CKMT2: variants seen among roughly 807,000 people sequenced by gnomAD.
CKMT2 encodes the protein creatine kinase, mitochondrial 2.
In CKMT2, 43 loss-of-function variants were observed where a neutral mutation model predicts 48.9. That is an observed-to-expected ratio of 0.88 (90% CI 0.69 to 1.13). The LOEUF is 1.13. Ranked by LOEUF, CKMT2 falls within the 50% of genes most tolerant of loss-of-function variation. The pLI, the probability that CKMT2 is intolerant of heterozygous loss-of-function variation, is 0.00. For missense variants in CKMT2, 472 were observed against 555.4 expected, an observed-to-expected ratio of 0.85 and a Z score of 1.51; for synonymous variants, 206 against 213.0, an observed-to-expected ratio of 0.97 and a Z score of 0.29.
At chr5:81,254,320 G>C in intron 3 of CKMT2, 76 bp from the exon 4 acceptor site, 2 of 1,271,026 alleles carry the variant, frequency 1.6e-6, no homozygotes, top group Non-Finnish European at 1.1e-6. Context: ...TAAGATACAA[G>C]GGGCAAGTGA....
intron 8 of CKMT2, 85 bp from the exon 9 acceptor site, chr5:81,263,406 T>C: frequency 2.5e-6 from 2 of 811,540 alleles, no homozygotes; most frequent in Non-Finnish European, 3.5e-6. Flanking sequence ...TATCTCTCAC[T>C]ATATGTCTTT....
chr5:81,261,000 T>A (rs1156437959), intron 8 of CKMT2, among the ~76,000 whole-genome samples: 2 of 152,090 alleles, frequency 1.3e-5, no homozygotes, highest in Admixed American at 1.3e-4. Flanking sequence ...CAGCAGCACA[T>A]CAAAAAGCTT....
Position 81,252,766 on chromosome 5 carries a change from A to C in CKMT2, c.224A>C (p.Lys75Thr). The change falls in exon 3 of 10, where the codon AAG becomes ACG. Residue 75 changes from lysine to threonine, a missense_variant. By Grantham distance (78) the Lys-to-Thr change is moderately conservative. Transcript: ENST00000254035. ...TGCCTCACCCCCGCCATTTATGCCA[A>C]GCTTCGCAACAAGGTGACACCCAAC... ...AECLTPAIYA[K>T]LRNKVTPNGY... 1 of 1,614,218 alleles carries C rather than the reference A, an allele frequency of 6.2e-7. No homozygotes were observed. Among genetic ancestry groups the C allele is most frequent in the Non-Finnish European group, 8.5e-7 (1 of 1,180,038 alleles).
chr5:81,249,625 CTTAT>C (rs1278633371), intron 1 of CKMT2, among the ~76,000 whole-genome samples: 1 of 148,700 alleles, frequency 6.7e-6, no homozygotes, highest in East Asian at 1.9e-4. Flanking sequence ...TATATAAATA[CTTAT>C]TTAGATTTAT....
intron 3 of CKMT2, 97 bp from the exon 4 acceptor site, chr5:81,254,299 A>G (rs1756921470): frequency 1.0e-6 from 1 of 973,656 alleles, no homozygotes; most frequent in Non-Finnish European, 1.6e-6. Context: ...GAGGGCATCA[A>G]CTTTGGCTTT....
intron 1 of CKMT2, chr5:81,239,503 T>C (rs952891399): frequency 2.7e-5 from 4 of 150,700 alleles, no homozygotes; most frequent in African/African-American, 4.9e-5. Context: ...GAGGGAGGAG[T>C]GGGGGCACGT....
At chr5:81,247,022 G>A (rs1756634762) in intron 1 of CKMT2, 1 of 152,254 alleles carries the variant, frequency 6.6e-6, no homozygotes. Flanking sequence ...TACAAGCTGT[G>A]AGATGCTCCT....
chr5:81,252,810 T>A lies in CKMT2; in HGVS notation c.268T>A (p.Cys90Ser). ...ACCCAACGGCTACACGCTGGACCAG[T>A]GCATCCAGACTGGAGTGGACAACCC... ...VTPNGYTLDQ[C>S]IQTGVDNPGH... is the part of the protein sequence containing the mutation. Residue 90 changes from cysteine (C) to serine (S), a missense_variant, in exon 3 of 10, where the codon TGC becomes AGC. Cys to Ser is a moderately radical substitution (Grantham distance 112, BLOSUM62 -1). Coordinates refer to ENST00000254035, the MANE Select transcript of CKMT2 (RefSeq NM_001099735.2). 1 of 1,614,234 alleles carries A rather than the reference T, an allele frequency of 6.2e-7. No homozygotes were observed. The highest frequency in any genetic ancestry group is 2.2e-5 in the East Asian group (1 of 44,892).
In CKMT2 at chr5:81,263,529, C is replaced by G; in HGVS notation, c.1053C>G (p.Leu351=). 6.2e-7 allele frequency: 1 copy of G among 1,613,238 alleles called. No individual in the cohort carries two copies. The highest frequency in any genetic ancestry group is 8.5e-7 in the Non-Finnish European group (1 of 1,179,488). ...CTAAGATCCTGGAAAACCTAAGACT[C>G]CAGAAGCGTGGCACAGGTGGTGTGG... ...RFSKILENLR[L]QKRGTGGVDT... is the part of the protein sequence containing the mutation. Residue 351 remains leucine, a synonymous_variant, in exon 9 of 10, where the codon CTC becomes CTG. Coordinates refer to ENST00000254035, the MANE Select transcript of CKMT2 (RefSeq NM_001099735.2).
intron 8 of CKMT2, 185 bp downstream of exon 8, chr5:81,259,439 G>C (rs563260651): frequency 2.2e-6 from 1 of 461,328 alleles, no homozygotes; most frequent in South Asian, 7.6e-5. Context: ...AAGGTTCAGG[G>C]GCTGTAAGAA....
chr5:81,248,737 T>C (rs1439727285), intron 1 of CKMT2, among the ~76,000 whole-genome samples: 2 of 152,226 alleles, frequency 1.3e-5, no homozygotes, highest in African/African-American at 2.4e-5. Context: ...ACTAATAATC[T>C]GATTTCCTGG....
intron 7 of CKMT2, 42 bp from the exon 8 acceptor site, chr5:81,259,078 T>C (rs201523903): frequency 1.0e-5 from 16 of 1,585,266 alleles, no homozygotes; most frequent in Middle Eastern, 1.8e-4. Flanking sequence ...TGAATGGATG[T>C]TGGAAAATGC....
At chr5:81,236,395 G>A (rs918363558) in intron 1 of CKMT2, among the ~76,000 whole-genome samples, 1 of 152,174 alleles carries the variant, frequency 6.6e-6, no homozygotes, top group African/African-American at 2.4e-5. Context: ...TCAAATCCCA[G>A]CTCTACTAGT....
At chr5:81,239,420 A>G (rs1293308546) in intron 1 of CKMT2, 1 of 152,172 alleles carries the variant, frequency 6.6e-6, no homozygotes, top group Admixed American at 6.5e-5. Context: ...ATTCAAGGGC[A>G]GGCTAAGTCT....
At chr5:81,250,515 T>G (rs894331733) in intron 1 of CKMT2, among the ~76,000 whole-genome samples, 1 of 152,092 alleles carries the variant, frequency 6.6e-6, no homozygotes, top group African/African-American at 2.4e-5. Flanking sequence ...CTGAATATAA[T>G]TTCCTCAGAG....
intron 1 of CKMT2, among the ~76,000 whole-genome samples, chr5:81,241,954 A>C (rs1756449158): frequency 7.2e-6 from 1 of 138,924 alleles, no homozygotes; most frequent in African/African-American, 2.8e-5. Flanking sequence ...CTCAGTCAGA[A>C]CCCCTAAAAA....
At chr5:81,258,321 T>C in intron 7 of CKMT2, among the ~76,000 whole-genome samples, 1 of 152,238 alleles carries the variant, frequency 6.6e-6, no homozygotes, top group Non-Finnish European at 1.5e-5. Flanking sequence ...CTATTACGCT[T>C]ACTTCCCCAT....
chr5:81,256,888 C>T (rs1357462267), intron 5 of CKMT2, 27 bp from the exon 6 acceptor site: 12 of 1,557,848 alleles, frequency 7.7e-6, no homozygotes, highest in South Asian at 1.1e-5. Flanking sequence ...AGTCTCTCCT[C>T]TCTGCTTTAT....
At chr5:81,234,895 C>T (rs1185368197) in intron 1 of CKMT2, among the ~76,000 whole-genome samples, 1 of 152,122 alleles carries the variant, frequency 6.6e-6, no homozygotes. Context: ...AAGGAAGCCA[C>T]GTAGAGTCTG....
Sources: allele counts gnomAD v4.1 joint callset (sites outside exome capture counted in the v4.1 genomes callset), GRCh38; gene constraint gnomAD v4.1.1; transcripts MANE v1.5; gene names NCBI Gene and HGNC (gene_info 2026-07-23, HGNC 2026-07-21).